Variants in JDP2 observed in about 807,000 individuals in gnomAD.
The protein encoded by JDP2 is Jun dimerization protein 2, also known as progesterone receptor co-activator.
A neutral mutation model predicts 17.1 loss-of-function variants in JDP2; 9 were observed. The observed-to-expected ratio is 0.53, with a 90% CI of 0.32 to 0.92. JDP2 has a LOEUF of 0.92. JDP2 is among the 40% of genes least tolerant of loss of function. The pLI, the probability that JDP2 is intolerant of heterozygous loss-of-function variation, is 0.04. For synonymous variants in JDP2, 107 were observed against 95.6 expected (o/e 1.12, Z -0.69); for missense variants, 179 against 220.0 (o/e 0.81, Z 1.18).
At chr14:75,458,123 A>T (rs1014704995) in intron 2 of JDP2, among the ~76,000 whole-genome samples, 2 of 152,200 alleles carry the variant, frequency 1.3e-5, no homozygotes, top group African/African-American at 4.8e-5. Context: ...GATGCGATGG[A>T]GACTCCTACA....
intron 2 of JDP2, among the ~76,000 whole-genome samples, chr14:75,442,657 C>G (rs1447842204): frequency 6.6e-6 from 1 of 152,174 alleles, no homozygotes; most frequent in Non-Finnish European, 1.5e-5. Flanking sequence ...CAAAATACAA[C>G]AAAAATCAAA....
chr14:75,429,948 G>C (rs1004214637), intron 1 of JDP2, among the ~76,000 whole-genome samples: 2 of 152,160 alleles, frequency 1.3e-5, no homozygotes, highest in African/African-American at 2.4e-5. Context: ...GAAGTCATGG[G>C]TGTGTAGACC....
intron 2 of JDP2, among the ~76,000 whole-genome samples, chr14:75,443,518 A>T (rs1222292553): frequency 6.6e-6 from 1 of 152,120 alleles, no homozygotes; most frequent in Non-Finnish European, 1.5e-5. Context: ...CGTAATTTCC[A>T]CTTTAGTTCC....
At chr14:75,451,997 C>A (rs549074073) in intron 2 of JDP2, among the ~76,000 whole-genome samples, 13 of 152,334 alleles carry the variant, frequency 8.5e-5, no homozygotes, top group African/African-American at 3.1e-4. Flanking sequence ...TGGCTTACTG[C>A]AGTCTCAACA....
intron 2 of JDP2, among the ~76,000 whole-genome samples, chr14:75,451,731 A>C (rs1430428343): frequency 2.0e-5 from 3 of 152,142 alleles, no homozygotes; most frequent in African/African-American, 7.2e-5. Context: ...GATGATGCAC[A>C]GTCAGGCAGA....
At chr14:75,467,592 G>A (rs1886619690) in intron 3 of JDP2, among the ~76,000 whole-genome samples, 1 of 152,146 alleles carries the variant, frequency 6.6e-6, no homozygotes, top group Non-Finnish European at 1.5e-5. Context: ...CTAAGCCCTT[G>A]GGCTGGGGAG....
At chr14:75,441,945 G>T (rs1214066639) in intron 2 of JDP2, among the ~76,000 whole-genome samples, 1 of 152,128 alleles carries the variant, frequency 6.6e-6, no homozygotes, top group South Asian at 2.1e-4. Flanking sequence ...GGGAGGGGAG[G>T]GAGGCCTGAA....
intron 3 of JDP2, among the ~76,000 whole-genome samples, chr14:75,468,219 G>T (rs556321398): frequency 2.4e-4 from 37 of 152,246 alleles, no homozygotes; most frequent in African/African-American, 7.9e-4. Context: ...AATACTTGTG[G>T]GGCTGGCCTG....
chr14:75,459,507 A>G (rs1048215949), intron 2 of JDP2, among the ~76,000 whole-genome samples: 4 of 152,136 alleles, frequency 2.6e-5, no homozygotes, highest in African/African-American at 9.7e-5. Context: ...TGCCCTGCCA[A>G]GGCCTGTGCC....
intron 2 of JDP2, among the ~76,000 whole-genome samples, chr14:75,455,734 C>G (rs1886072083): frequency 1.3e-5 from 2 of 152,174 alleles, no homozygotes; most frequent in Admixed American, 1.3e-4. Context: ...TGACCCTAGC[C>G]TCAGGCCGGA....
chr14:75,468,930 C>T (rs1886686648), intron 3 of JDP2, among the ~76,000 whole-genome samples: 1 of 152,248 alleles, frequency 6.6e-6, no homozygotes, highest in Non-Finnish European at 1.5e-5. Context: ...GGCCTCCTTT[C>T]TTTGCCCACC....
chr14:75,452,007 A>C (rs1165736446), intron 2 of JDP2, among the ~76,000 whole-genome samples: 1 of 152,140 alleles, frequency 6.6e-6, no homozygotes, highest in Non-Finnish European at 1.5e-5. Context: ...CAGTCTCAAC[A>C]TCCTGGGCTC....
intron 2 of JDP2, chr14:75,445,545 C>T (rs1440512392): frequency 1.5e-5 from 15 of 985,280 alleles, no homozygotes; most frequent in African/African-American, 1.7e-5. Context: ...AGCAGGACTG[C>T]TGCATTGGAA....
intron 2 of JDP2, among the ~76,000 whole-genome samples, chr14:75,450,721 G>C (rs1885812483): frequency 6.6e-6 from 1 of 152,230 alleles, no homozygotes; most frequent in Admixed American, 6.5e-5. Flanking sequence ...TCTTGCCCAG[G>C]TCACCAGCTC....
chr14:75,465,788 C>T (rs1331913078), intron 3 of JDP2, among the ~76,000 whole-genome samples: 1 of 152,182 alleles, frequency 6.6e-6, no homozygotes, highest in Non-Finnish European at 1.5e-5. Context: ...TTTCTACTGC[C>T]TTTGCCGACC....
intron 2 of JDP2, among the ~76,000 whole-genome samples, chr14:75,449,887 G>A (rs1885773158): frequency 6.6e-6 from 1 of 152,160 alleles, no homozygotes. Flanking sequence ...CTGTAAATGG[G>A]TGTCACCCTG....
At chr14:75,469,153 G>A in intron 3 of JDP2, 137 bp from the exon 4 acceptor site, 1 of 731,144 alleles carries the variant, frequency 1.4e-6, no homozygotes, top group Non-Finnish European at 2.2e-6. Context: ...CAGGGGCTCA[G>A]TAGCAGGGTC....
Position 75,438,139 on chromosome 14 carries a change from C to A in JDP2, c.201+18C>A. Reference sequence around the variant, plus strand: ...AAAGTGAGGTGAGCGAGCCTTTTACCCCTGGCAGATTCCAGGTCTGGCCTT... The same window carrying A: ...AAAGTGAGGTGAGCGAGCCTTTTACACCTGGCAGATTCCAGGTCTGGCCTT... On this transcript the variant is annotated intron_variant, in intron 2 of 3. Transcript: ENST00000651602. The A allele has an allele frequency of 1.9e-6, 3 of 1,576,456 alleles. No homozygotes were observed. Among genetic ancestry groups the A allele is most frequent in the Middle Eastern group, 1.7e-4 (1 of 5,948 alleles).
chr14:75,468,812 TC>T (rs1384428431), intron 3 of JDP2, among the ~76,000 whole-genome samples: 9 of 152,236 alleles, frequency 5.9e-5, no homozygotes, highest in Non-Finnish European at 1.3e-4. Flanking sequence ...CCAAGATATC[TC>T]CCACATGTGT....
Sources: gnomAD v4.1 joint callset for allele counts (sites outside exome capture counted in the v4.1 genomes callset) on GRCh38, gnomAD v4.1.1 for gene constraint, MANE v1.5 for transcripts, NCBI Gene and HGNC (gene_info 2026-07-23, HGNC 2026-07-21) for gene names.